The following RMDN2 variants were observed in gnomAD, a reference collection of about 807,000 sequenced individuals.
The protein encoded by RMDN2 is regulator of microtubule dynamics protein 2.
A neutral mutation model predicts 52.8 loss-of-function variants in RMDN2; 61 were observed. The observed-to-expected ratio is 1.16, with a 90% confidence interval of 0.94 to 1.43. The LOEUF is 1.43. Ranked by LOEUF, RMDN2 falls within the 40% of genes most tolerant of loss-of-function variation. The pLI is 0.00. For synonymous variants in RMDN2, 180 were observed against 153.1 expected, an observed-to-expected ratio of 1.18 and a Z score of -1.30; for missense variants, 592 against 475.3, an observed-to-expected ratio of 1.25 and a Z score of -2.28.
intron 10 of RMDN2, chr2:38,039,297 T>C (rs1439310396): frequency 6.6e-6 from 1 of 151,960 alleles, no homozygotes; most frequent in African/African-American, 2.4e-5. Flanking sequence ...GTCACAGAAA[T>C]GGGATTCTAA....
chr2:37,937,296 G>C (rs1667389020), intron 2 of RMDN2, among the ~76,000 whole-genome samples: 1 of 151,882 alleles, frequency 6.6e-6, no homozygotes, highest in Admixed American at 6.6e-5. Flanking sequence ...ATGCTGTTTT[G>C]GTTACTGTAG....
At chr2:37,947,478 A>G (rs1166317796) in intron 2 of RMDN2, among the ~76,000 whole-genome samples, 4 of 152,196 alleles carry the variant, frequency 2.6e-5, no homozygotes, top group African/African-American at 9.7e-5. Flanking sequence ...CTGCCTCGCA[A>G]GTCACATGCA....
At chr2:37,948,128 A>C (rs1182710603) in intron 2 of RMDN2, among the ~76,000 whole-genome samples, 1 of 152,200 alleles carries the variant, frequency 6.6e-6, no homozygotes, top group African/African-American at 2.4e-5. Context: ...ATCAGCATCC[A>C]GTCTTGCCTG....
chr2:37,940,214 C>G (rs947408027), intron 2 of RMDN2, among the ~76,000 whole-genome samples: 1 of 152,228 alleles, frequency 6.6e-6, no homozygotes, highest in African/African-American at 2.4e-5. Context: ...TTTACCCCCA[C>G]TCTCTTCTGG....
intron 2 of RMDN2, among the ~76,000 whole-genome samples, chr2:37,937,625 T>C (rs1346181707): frequency 6.6e-6 from 1 of 152,222 alleles, no homozygotes; most frequent in Non-Finnish European, 1.5e-5. Flanking sequence ...CCCTTCTAAG[T>C]TGTATTCCTA....
At position 37,929,484 on chromosome 2, in the gene RMDN2, A is replaced by T; in HGVS notation, c.207A>T (p.Gln69His). 1 of 1,551,726 alleles carries T rather than the reference A, an allele frequency of 6.4e-7. No individual in the cohort carries two copies. The highest frequency in any genetic ancestry group is 8.7e-7 in the Non-Finnish European group (1 of 1,146,898). ...HDDQGTTVIFQERQLQILEKL... is the reference protein window; with the variant it reads ...HDDQGTTVIFHERQLQILEKL... ...ACCAAGGAACAACAGTAATCTTTCAAGAAAGGCAACTTCAGATACTGGAGA... is the reference window on the plus strand; with the variant it reads ...ACCAAGGAACAACAGTAATCTTTCATGAAAGGCAACTTCAGATACTGGAGA... The change falls in exon 2 of 11, where the codon CAA (glutamine) becomes CAT (histidine). Residue 69 changes from glutamine (Q) to histidine (H), a missense_variant. Gln to His is a conservative substitution (Grantham distance 24). Coordinates refer to ENST00000354545, the MANE Select transcript of RMDN2 (RefSeq NM_001170791.3).
chr2:37,961,812 C>T (rs142627109), intron 2 of RMDN2, among the ~76,000 whole-genome samples: 2,544 of 152,240 alleles, frequency 0.017, 32 homozygotes, highest in Middle Eastern at 0.027. Flanking sequence ...ACTGGTTTTT[C>T]CTCATCTTCG....
chr2:38,044,795 G>A (rs1436759069), intron 10 of RMDN2, among the ~76,000 whole-genome samples: 1 of 151,986 alleles, frequency 6.6e-6, no homozygotes, highest in African/African-American at 2.4e-5. Flanking sequence ...ATTCTTGCAT[G>A]TTGTCTACTT....
chr2:37,984,865 G>C (rs1234060551), intron 5 of RMDN2, among the ~76,000 whole-genome samples: 1 of 151,126 alleles, frequency 6.6e-6, no homozygotes, highest in Non-Finnish European at 1.5e-5. Context: ...ATAAAATTAA[G>C]TATTTTAAAT....
chr2:37,983,743 T>C (rs1194598495), intron 5 of RMDN2, among the ~76,000 whole-genome samples: 1 of 152,232 alleles, frequency 6.6e-6, no homozygotes, highest in African/African-American at 2.4e-5. Flanking sequence ...TATAATAAAA[T>C]GTTCAAATCT....
chr2:37,951,563 T>C (rs1436843071), intron 2 of RMDN2: 4 of 1,612,794 alleles, frequency 2.5e-6, no homozygotes, highest in Admixed American at 3.3e-5. Flanking sequence ...CCTCAGACCA[T>C]TGTGGTAGCT....
intron 10 of RMDN2, among the ~76,000 whole-genome samples, chr2:38,031,783 C>T (rs1342527443): frequency 6.6e-6 from 1 of 152,198 alleles, no homozygotes; most frequent in Non-Finnish European, 1.5e-5. Context: ...CAAGGCTGAG[C>T]ATGCTTCCTG....
At chr2:38,055,160 G>A (rs767474566) in intron 10 of RMDN2, among the ~76,000 whole-genome samples, 2 of 151,936 alleles carry the variant, frequency 1.3e-5, no homozygotes, top group Non-Finnish European at 2.9e-5. Flanking sequence ...TTGCCTAGAT[G>A]ATTTCATAGC....
intron 2 of RMDN2, among the ~76,000 whole-genome samples, chr2:37,965,571 T>C (rs1268828568): frequency 6.6e-6 from 1 of 152,160 alleles, no homozygotes; most frequent in East Asian, 1.9e-4. Context: ...TTATCATTAA[T>C]CTAGAATCAT....
At chr2:37,965,768 G>A (rs1258582439) in intron 2 of RMDN2, among the ~76,000 whole-genome samples, 2 of 152,132 alleles carry the variant, frequency 1.3e-5, no homozygotes, top group African/African-American at 4.8e-5. Context: ...CAACTTGAGG[G>A]ACTCCTTTTA....
chr2:37,936,596 A>G (rs1016999238), intron 2 of RMDN2, among the ~76,000 whole-genome samples: 2 of 152,182 alleles, frequency 1.3e-5, no homozygotes, highest in African/African-American at 4.8e-5. Flanking sequence ...TAACTTGTAT[A>G]AGATGATATC....
chr2:37,930,313 T>C (rs1572673111), intron 2 of RMDN2, among the ~76,000 whole-genome samples: 1 of 152,276 alleles, frequency 6.6e-6, no homozygotes, highest in Non-Finnish European at 1.5e-5. Flanking sequence ...TAGGTGACTC[T>C]GTCTCATCTT....
At chr2:37,948,856 C>T (rs1026733490) in intron 2 of RMDN2, among the ~76,000 whole-genome samples, 5 of 152,080 alleles carry the variant, frequency 3.3e-5, no homozygotes, top group African/African-American at 9.7e-5. Context: ...TTTATTACCT[C>T]GACTGAGCAG....
chr2:38,034,300 A>G (rs1680425774), intron 10 of RMDN2, among the ~76,000 whole-genome samples: 1 of 152,212 alleles, frequency 6.6e-6, no homozygotes, highest in African/African-American at 2.4e-5. Flanking sequence ...ACATAGGCTC[A>G]CCCTCTACCA....
Sources: gnomAD v4.1 joint callset for allele counts (sites outside exome capture counted in the v4.1 genomes callset) on GRCh38, gnomAD v4.1.1 for gene constraint, MANE v1.5 for transcripts, NCBI Gene and HGNC (gene_info 2026-07-23, HGNC 2026-07-21) for gene names.